The following TSNARE1 variants were observed in gnomAD, a reference collection of about 807,000 sequenced individuals.
TSNARE1 encodes t-SNARE domain containing 1.
Under a neutral mutation model 62.0 loss-of-function variants are expected in TSNARE1, and 49 were observed. That is an observed-to-expected ratio of 0.79 (90% CI 0.63 to 1.00). The LOEUF is 1.00. TSNARE1 is among the 50% of genes least tolerant of loss of function. The pLI is 0.00. For synonymous variants in TSNARE1, 328 were observed against 294.4 expected (o/e 1.11, Z -1.17); for missense variants, 755 against 700.1 (o/e 1.08, Z -0.88).
intron 10 of TSNARE1, among the ~76,000 whole-genome samples, chr8:142,292,151 C>A (rs1244945784): frequency 6.6e-6 from 1 of 152,140 alleles, no homozygotes; most frequent in African/African-American, 2.4e-5. Context: ...TCCCAGCCTA[C>A]ATCCCAGCCA....
intron 12 of TSNARE1, among the ~76,000 whole-genome samples, chr8:142,231,935 T>A (rs1586799394): frequency 6.6e-6 from 1 of 152,314 alleles, no homozygotes; most frequent in East Asian, 1.9e-4. Context: ...GATTTTCCTG[T>A]GCCAGCCCTA....
intron 12 of TSNARE1, among the ~76,000 whole-genome samples, chr8:142,251,516 G>A (rs146637772): frequency 2.5e-3 from 384 of 152,190 alleles, no homozygotes; most frequent in African/African-American, 8.5e-3. Context: ...GTTAGGGTGC[G>A]GCAGGCTCCT....
chr8:142,304,537 G>A (rs1361191200), intron 9 of TSNARE1, among the ~76,000 whole-genome samples: 1 of 152,212 alleles, frequency 6.6e-6, no homozygotes, highest in South Asian at 2.1e-4. Flanking sequence ...ACTCCACCAG[G>A]AACCCGAGCA....
At chr8:142,305,206 G>T (rs751715979) in intron 9 of TSNARE1, among the ~76,000 whole-genome samples, 2 of 152,202 alleles carry the variant, frequency 1.3e-5, no homozygotes, top group Non-Finnish European at 1.5e-5. Flanking sequence ...TGGACTTGGG[G>T]GTTTCAGTGA....
chr8:142,359,933 C>T (rs570010717), intron 1 of TSNARE1, among the ~76,000 whole-genome samples: 31 of 152,286 alleles, frequency 2.0e-4, no homozygotes, highest in African/African-American at 7.0e-4. Context: ...GGTCAGCACC[C>T]AGGCATGCTG....
rs1006238890 is a variant in TSNARE1, at chr8:142,273,411, G to A, written c.1446+1370C>T. Reference sequence around the variant, plus strand: ...TTCTGCCCATCACCTTCTGCCTCCTGGAGGCCCCTGGGCCTAGCTGCCCTC... The same window carrying A: ...TTCTGCCCATCACCTTCTGCCTCCTAGAGGCCCCTGGGCCTAGCTGCCCTC... On this transcript the variant is annotated intron_variant, in intron 12 of 13. Transcript: ENST00000524325. 7 of 985,298 alleles carry A rather than the reference G, an allele frequency of 7.1e-6. No individual in the cohort carries two copies. In the African/African-American group the frequency reaches 1.2e-4, roughly 17 times the overall value. 61.0% of individuals were successfully genotyped at this position (985,298 alleles called of 1,614,324 possible).
chr8:142,336,126 T>A (rs1182754388), intron 4 of TSNARE1, among the ~76,000 whole-genome samples: 1 of 151,676 alleles, frequency 6.6e-6, no homozygotes, highest in African/African-American at 2.4e-5. Flanking sequence ...TATAAAAAAA[T>A]AAAAATTGGC....
chr8:142,314,301 C>A, intron 9 of TSNARE1, 83 bp downstream of exon 9: 3 of 1,367,240 alleles, frequency 2.2e-6, no homozygotes, highest in African/African-American at 1.4e-5. Context: ...TGGCCCTCCC[C>A]GCCCTTCCAT....
chr8:142,299,991 A>G (rs1031187420), intron 10 of TSNARE1: 1 of 152,998 alleles, frequency 6.5e-6, no homozygotes, highest in African/African-American at 2.4e-5. Context: ...GCAGCATCCA[A>G]TGCCCACACT....
intron 13 of TSNARE1, among the ~76,000 whole-genome samples, chr8:142,229,144 G>GATT (rs59253551): frequency 6.6e-6 from 1 of 151,760 alleles, no homozygotes; most frequent in South Asian, 2.1e-4. Context: ...TGGATAGATG[G>GATT]GTGGAAGGTG....
intron 10 of TSNARE1, among the ~76,000 whole-genome samples, chr8:142,288,677 G>T (rs1258262143): frequency 2.6e-5 from 4 of 152,266 alleles, no homozygotes; most frequent in Non-Finnish European, 4.4e-5. Context: ...AGGAGCTGGT[G>T]GGGGGTGGGG....
At chr8:142,378,547 C>T (rs1395377322) in intron 1 of TSNARE1, among the ~76,000 whole-genome samples, 6 of 152,148 alleles carry the variant, frequency 3.9e-5, no homozygotes, top group Admixed American at 3.9e-4. Context: ...ATTACAAAGC[C>T]GAGAGTAAAG....
chr8:142,383,180 T>C (rs1469647358), intron 1 of TSNARE1, among the ~76,000 whole-genome samples: 3 of 151,980 alleles, frequency 2.0e-5, no homozygotes, highest in Non-Finnish European at 4.4e-5. Flanking sequence ...CCACAGGACC[T>C]AAGGGAGGGG....
At chr8:142,315,762 C>T (rs1048184501) in intron 7 of TSNARE1, among the ~76,000 whole-genome samples, 7 of 152,258 alleles carry the variant, frequency 4.6e-5, no homozygotes, top group African/African-American at 1.7e-4. Context: ...AGCACCCACC[C>T]CATGGCTATC....
At chr8:142,222,226 T>C (rs1431337940) in intron 13 of TSNARE1, among the ~76,000 whole-genome samples, 1 of 26,262 alleles carries the variant, frequency 3.8e-5, no homozygotes, top group African/African-American at 1.1e-4. Flanking sequence ...ATTCACTCAC[T>C]CATCCACTCA....
At chr8:142,347,911 C>A (rs1833588205) in intron 2 of TSNARE1, among the ~76,000 whole-genome samples, 1 of 152,200 alleles carries the variant, frequency 6.6e-6, no homozygotes, top group African/African-American at 2.4e-5. Context: ...ACACTGCATC[C>A]ACTCACCCAA....
chr8:142,217,983 TCAGAG>T (rs1815991120), intron 13 of TSNARE1, among the ~76,000 whole-genome samples: 1 of 122,400 alleles, frequency 8.2e-6, no homozygotes, highest in Non-Finnish European at 1.7e-5. Flanking sequence ...GGATCAGGGC[TCAGAG>T]TATGAGCAGG....
chr8:142,239,824 A>G (rs1817601107), intron 12 of TSNARE1, among the ~76,000 whole-genome samples: 1 of 152,226 alleles, frequency 6.6e-6, no homozygotes, highest in Admixed American at 6.5e-5. Context: ...GCATCCTGAT[A>G]AGGAAGCATT....
intron 6 of TSNARE1, among the ~76,000 whole-genome samples, chr8:142,325,642 G>A (rs907326814): frequency 2.0e-5 from 3 of 152,100 alleles, no homozygotes; most frequent in African/African-American, 7.2e-5. Context: ...CAGTCCAGAA[G>A]GACCCTAAGT....
Sources: gnomAD v4.1 joint callset for allele counts (sites outside exome capture counted in the v4.1 genomes callset) on GRCh38, gnomAD v4.1.1 for gene constraint, MANE v1.5 for transcripts, NCBI Gene and HGNC (gene_info 2026-07-23, HGNC 2026-07-21) for gene names.